The following MKLN1 variants were observed in gnomAD, a reference collection of about 807,000 sequenced individuals.
MKLN1 encodes muskelin.
In MKLN1, 18 loss-of-function variants were observed where a neutral mutation model predicts 99.0. That is an observed-to-expected ratio of 0.18 (90% CI 0.13 to 0.27). MKLN1 has a LOEUF of 0.27. MKLN1 is among the 10% of genes least tolerant of loss of function. The pLI is 1.00. For synonymous variants in MKLN1, 288 were observed against 293.2 expected (o/e 0.98, Z 0.18); for missense variants, 621 against 875.9 (o/e 0.71, Z 3.67).
At chr7:131,194,320 T>A (rs1796611772) in intron 2 of MKLN1, among the ~76,000 whole-genome samples, 1 of 152,172 alleles carries the variant, frequency 6.6e-6, no homozygotes, top group Non-Finnish European at 1.5e-5. Flanking sequence ...ACCACCAATC[T>A]ACTTTCTGAG....
chr7:131,159,926 G>T (rs150333997), intron 2 of MKLN1, among the ~76,000 whole-genome samples: 1 of 152,100 alleles, frequency 6.6e-6, no homozygotes, highest in Non-Finnish European at 1.5e-5. Flanking sequence ...GCACAGAAGA[G>T]GTAGGAACAT....
At chr7:131,131,552 C>T (rs1000625619) in intron 1 of MKLN1, among the ~76,000 whole-genome samples, 7 of 152,168 alleles carry the variant, frequency 4.6e-5, no homozygotes, top group Admixed American at 1.3e-4. Flanking sequence ...CCCCATTTTA[C>T]AGATGAGCAA....
At chr7:131,270,649 G>T (rs1403206978) in intron 3 of MKLN1, among the ~76,000 whole-genome samples, 1 of 152,120 alleles carries the variant, frequency 6.6e-6, no homozygotes. Flanking sequence ...TTTTCCATTT[G>T]TTCATTCCAA....
intron 3 of MKLN1, among the ~76,000 whole-genome samples, chr7:131,290,254 G>A (rs776350038): frequency 7.2e-5 from 11 of 152,160 alleles, no homozygotes; most frequent in Non-Finnish European, 1.0e-4. Flanking sequence ...GCAGTGAGCC[G>A]AGATCGCACC....
At chr7:131,241,040 T>A (rs540761360) in intron 3 of MKLN1, among the ~76,000 whole-genome samples, 4 of 152,290 alleles carry the variant, frequency 2.6e-5, no homozygotes, top group African/African-American at 7.2e-5. Flanking sequence ...TCATAATAGA[T>A]CCTTTCATAC....
At chr7:131,155,009 T>C (rs1374240728) in intron 2 of MKLN1, among the ~76,000 whole-genome samples, 1 of 152,226 alleles carries the variant, frequency 6.6e-6, no homozygotes, top group Non-Finnish European at 1.5e-5. Flanking sequence ...ACTGACATAG[T>C]TCTGCCAATC....
intron 3 of MKLN1, among the ~76,000 whole-genome samples, chr7:131,259,042 A>G (rs1258632261): frequency 6.6e-6 from 1 of 152,194 alleles, no homozygotes; most frequent in Non-Finnish European, 1.5e-5. Context: ...GATTCGCTGT[A>G]CAGACTGCCT....
intron 3 of MKLN1, among the ~76,000 whole-genome samples, chr7:131,283,434 T>C (rs1487097669): frequency 6.4e-5 from 9 of 140,654 alleles, no homozygotes; most frequent in Non-Finnish European, 1.2e-4. Flanking sequence ...TTTCTTCTCT[T>C]TTTTTTTTTT....
In MKLN1 at chr7:131,478,595, C is replaced by CTTTT. The variant is rs3080645; in HGVS notation, c.2032-10_2032-7dup. 4,289 of 1,231,982 alleles carry CTTTT rather than the reference C, an allele frequency of 3.5e-3. 16 individuals carry two copies. The highest frequency in any genetic ancestry group is 5.8e-3 in the South Asian group (263 of 45,506). 76.3% of individuals were successfully genotyped at this position (1,231,982 alleles called of 1,614,324 possible). ...CACTTAGCCAGCTAATTTGCTGCTT[C>CTTTT]TTTTTTTTTTTTTTTTTTTTTAAAC... On this transcript the variant is annotated intron_variant, in intron 16 of 17. Coordinates refer to ENST00000352689, the MANE Select transcript of MKLN1 (RefSeq NM_013255.5).
At chr7:131,135,926 A>G (rs1270922363) in intron 1 of MKLN1, among the ~76,000 whole-genome samples, 1 of 152,184 alleles carries the variant, frequency 6.6e-6, no homozygotes, top group African/African-American at 2.4e-5. Context: ...GAGTCTCTGA[A>G]AAACTCCTGA....
chr7:131,204,724 G>C (rs1317714666), intron 3 of MKLN1, among the ~76,000 whole-genome samples: 1 of 152,102 alleles, frequency 6.6e-6, no homozygotes, highest in East Asian at 1.9e-4. Flanking sequence ...CCAGCACTTT[G>C]GGAGGCCAAG....
intron 17 of MKLN1, 138 bp downstream of exon 17, chr7:131,478,815 A>G (rs866323197): frequency 3.9e-6 from 4 of 1,035,942 alleles, no homozygotes; most frequent in Middle Eastern, 4.5e-4. Context: ...GTATCATGCA[A>G]AATTTCTAAT....
chr7:131,444,585 C>G, intron 11 of MKLN1, among the ~76,000 whole-genome samples: 1 of 151,740 alleles, frequency 6.6e-6, no homozygotes, highest in South Asian at 2.1e-4. Context: ...AACTTTATAT[C>G]TTTTCTTTTT....
chr7:131,227,364 T>C (rs1217175158), intron 3 of MKLN1, among the ~76,000 whole-genome samples: 1 of 149,634 alleles, frequency 6.7e-6, no homozygotes, highest in African/African-American at 2.5e-5. Context: ...TTCTCTCTCT[T>C]TCTTTCTTTT....
intron 1 of MKLN1, among the ~76,000 whole-genome samples, chr7:131,135,568 C>T (rs533068367): frequency 6.3e-4 from 96 of 152,308 alleles, no homozygotes; most frequent in Middle Eastern, 6.8e-3. Context: ...GCCAAAGAGA[C>T]TGCGAGGGAA....
intron 3 of MKLN1, among the ~76,000 whole-genome samples, chr7:131,210,039 G>A (rs755549118): frequency 1.3e-5 from 2 of 152,154 alleles, no homozygotes; most frequent in Non-Finnish European, 2.9e-5. Context: ...TATGAAAAAA[G>A]TAAAACTATT....
At chr7:131,251,247 A>G (rs879596275) in intron 3 of MKLN1, among the ~76,000 whole-genome samples, 2 of 152,200 alleles carry the variant, frequency 1.3e-5, no homozygotes, top group African/African-American at 2.4e-5. Context: ...CAAAAACTCT[A>G]TAATCATTAA....
At chr7:131,424,222 A>T (rs1008615632) in intron 8 of MKLN1, among the ~76,000 whole-genome samples, 1 of 152,090 alleles carries the variant, frequency 6.6e-6, no homozygotes, top group East Asian at 1.9e-4. Context: ...ACCTTTTTTT[A>T]AAAAATTTTT....
chr7:131,416,525 CTT>C (rs71529704), intron 8 of MKLN1, among the ~76,000 whole-genome samples: 3 of 144,444 alleles, frequency 2.1e-5, no homozygotes, highest in Admixed American at 6.9e-5. Context: ...ATTTTTCTTT[CTT>C]TTTTTTTTTT....
Sources: gnomAD v4.1 joint callset for allele counts (sites outside exome capture counted in the v4.1 genomes callset) on GRCh38, gnomAD v4.1.1 for gene constraint, MANE v1.5 for transcripts, NCBI Gene and HGNC (gene_info 2026-07-23, HGNC 2026-07-21) for gene names.